DLK1: variants seen among roughly 807,000 people sequenced by gnomAD.
DLK1 encodes protein delta homolog 1.
In DLK1, 9 loss-of-function variants were observed where a neutral mutation model predicts 35.2. The observed-to-expected ratio is 0.26, with a 90% CI of 0.15 to 0.45. The LOEUF is 0.45. Among genes scored for constraint, DLK1 ranks in the 20% least tolerant of loss-of-function variants. The pLI is 1.00. For missense variants in DLK1, 522 were observed against 528.5 expected (o/e 0.99, Z 0.12); for synonymous variants, 231 against 228.4 (o/e 1.01, Z -0.10).
rs1242597184 is a variant in DLK1 at position 100,728,470 on chromosome 14, GGCTCCTCAGAGGCA to G, written c.131+15_131+28del. 1.9e-6 allele frequency: 3 copies of G among 1,613,852 alleles called. No individual in the cohort carries two copies. In the African/African-American group the frequency reaches 4.0e-5, roughly 22 times the overall value. ...TGACAATGTTTGCAGGTAATAGAGT[GGCTCCTCAGAGGCA>G]GCTTGTAGGGGCCACGCAGAAGCCT... On this transcript the variant is annotated intron_variant, in intron 2 of 4. Coordinates refer to ENST00000341267, the MANE Select transcript of DLK1 (RefSeq NM_003836.7).
At chr14:100,732,872 A>G (rs1373497039) in intron 4 of DLK1, among the ~76,000 whole-genome samples, 1 of 152,218 alleles carries the variant, frequency 6.6e-6, no homozygotes, top group Non-Finnish European at 1.5e-5. Flanking sequence ...CCTGAAGCCA[A>G]GGGAGATCTT....
At chr14:100,728,257 C>G in intron 1 of DLK1, 139 bp from the exon 2 acceptor site, 4 of 811,660 alleles carry the variant, frequency 4.9e-6, no homozygotes, top group Non-Finnish European at 8.4e-6. Context: ...TAGGAAGTGC[C>G]TACTGTGTGC....
chr14:100,733,027 A>G (rs2036527323), intron 4 of DLK1, among the ~76,000 whole-genome samples: 1 of 152,226 alleles, frequency 6.6e-6, no homozygotes, highest in African/African-American at 2.4e-5. Flanking sequence ...GCAGGGTGGC[A>G]CAGAGACCCC....
Position 100,732,140 on chromosome 14 carries a change from G to C in DLK1, c.361G>C (p.Gly121Arg), listed in dbSNP as rs370188899. 5.0e-6 allele frequency: 8 copies of C among 1,613,962 alleles called. No homozygotes were observed. The highest frequency in any genetic ancestry group is 2.2e-5 in the East Asian group (1 of 44,874). ...YECSCAPGYS[G>R]KDCQKKDGPC... ...ATGCTCCTGTGCCCCCGGGTACTCG[G>C]GAAAGGACTGCCAGAAAAAGGACGG... The change falls in exon 4 of 5, where the codon GGA becomes CGA. Residue 121 changes from glycine to arginine, a missense_variant. By Grantham distance (125) the Gly-to-Arg change is moderately radical (BLOSUM62 -2). Transcript: ENST00000341267.
chr14:100,727,431 C>G (rs1204852410), intron 1 of DLK1, among the ~76,000 whole-genome samples: 3 of 152,190 alleles, frequency 2.0e-5, no homozygotes, highest in African/African-American at 7.2e-5. Context: ...AAATGGGGTG[C>G]TGTTGTGGAG....
chr14:100,732,057 C>G lies in DLK1; in HGVS notation c.278C>G (p.Ser93Cys). 6.2e-7 allele frequency: 1 copy of G among 1,613,662 alleles called. No individual in the cohort carries two copies. Among genetic ancestry groups the G allele is most frequent in the Non-Finnish European group, 8.5e-7 (1 of 1,179,742 alleles). Residue 93 changes from serine to cysteine, a missense_variant, in exon 4 of 5, where the codon TCC (serine) becomes TGC (cysteine). Coordinates refer to ENST00000341267, the MANE Select transcript of DLK1 (RefSeq NM_003836.7). ...CACCCCGCAGATGTTCGGGCCTGCT[C>G]CTCGGCCCCCTGTGCCAACAACAGG... is the stretch of plus-strand genomic sequence containing the variant. Reference protein sequence around the residue: ...ELCDRDVRACSSAPCANNRTC... With the variant: ...ELCDRDVRACCSAPCANNRTC...
intron 1 of DLK1, 45 bp from the exon 2 acceptor site, chr14:100,728,351 C>G: frequency 6.2e-7 from 1 of 1,610,144 alleles, no homozygotes; most frequent in African/African-American, 1.3e-5. Context: ...TTGCCTTGGC[C>G]TGGGGCCTGG....
At position 100,734,416 on chromosome 14, in the gene DLK1, G is replaced by A. The variant is rs771992127; in HGVS notation, c.672G>A (p.Leu224=). 1.4e-5 allele frequency: 23 copies of A among 1,611,888 alleles called. No individual in the cohort carries two copies. The South Asian group carries it at 1.8e-4, about 12-fold the overall frequency. ...CGTGCCAGAACGGGGGCACCTGCCT[G>A]CAGCACACCCAGGTGAGCTACGAGT... ...SSPCQNGGTC[L]QHTQVSYECL... Residue 224 remains leucine (L), a synonymous_variant, in exon 5 of 5, where the codon CTG becomes CTA. Coordinates refer to ENST00000341267, the MANE Select transcript of DLK1 (RefSeq NM_003836.7). The surrounding 1 kb of genome is among the most constrained non-coding windows in gnomAD (Gnocchi z 7.4).
At chr14:100,728,180 C>T (rs2036459490) in intron 1 of DLK1, among the ~76,000 whole-genome samples, 1 of 152,144 alleles carries the variant, frequency 6.6e-6, no homozygotes, top group Non-Finnish European at 1.5e-5. Flanking sequence ...GTACTGTGGT[C>T]ATTTCATTGC....
chr14:100,737,521 G>A lies in DLK1; in HGVS notation c.*2625G>A, dbSNP rs1046598682. On this transcript the variant is annotated 3_prime_UTR_variant, in exon 5 of 5. Transcript: ENST00000341267. ...AAGAAAAAGACGTCCCACGGTCGAG[G>A]TATCCTTGACCAACTCCCCATCCAT... 2.1e-4 allele frequency: 32 copies of A among 152,194 alleles called. No individual in the cohort carries two copies. The highest frequency in any genetic ancestry group is 7.2e-4 in the African/African-American group (30 of 41,418). 9.4% of individuals were successfully genotyped at this position (152,194 alleles called of 1,614,324 possible).
chr14:100,734,587 G>A lies in DLK1; in HGVS notation c.843G>A (p.Glu281=), dbSNP rs138185939. Reference sequence around the variant, plus strand: ...ACGAGCTGCCGGTGCAGCAGCCGGAGCACCGCATCCTGAAGGTGTCCATGA... The same window carrying A: ...ACGAGCTGCCGGTGCAGCAGCCGGAACACCGCATCCTGAAGGTGTCCATGA... ...GVHELPVQQP[E]HRILKVSMKE... is the part of the protein sequence containing the mutation. Residue 281 remains glutamate, a synonymous_variant, in exon 5 of 5, where the codon GAG becomes GAA. Coordinates refer to ENST00000341267, the MANE Select transcript of DLK1 (RefSeq NM_003836.7). The surrounding 1 kb of genome is among the most constrained non-coding windows in gnomAD (Gnocchi z 7.4). The A allele has an allele frequency of 1.1e-4, 181 of 1,613,784 alleles. 1 individual carries two copies. In the East Asian group the frequency reaches 3.8e-3, roughly 34 times the overall value.
chr14:100,727,267 G>A, intron 1 of DLK1, 132 bp downstream of exon 1: 4 of 960,828 alleles, frequency 4.2e-6, no homozygotes, highest in Non-Finnish European at 5.7e-6. Flanking sequence ...TAAGCCCCGC[G>A]CTGTGCCTGT....
intron 3 of DLK1, among the ~76,000 whole-genome samples, chr14:100,731,669 T>C (rs2036508587): frequency 1.3e-5 from 2 of 152,164 alleles, no homozygotes; most frequent in African/African-American, 4.8e-5. Flanking sequence ...GATGCAGTCT[T>C]GTCTGGTGGA....
At chr14:100,732,229 G>A in intron 4 of DLK1, 46 bp downstream of exon 4, 7 of 1,590,094 alleles carry the variant, frequency 4.4e-6, no homozygotes, top group Non-Finnish European at 6.0e-6. Context: ...TGCTTTTCAT[G>A]CGGCCACCAA....
intron 3 of DLK1, among the ~76,000 whole-genome samples, chr14:100,731,351 C>T (rs2036504755): frequency 6.6e-6 from 1 of 152,176 alleles, no homozygotes; most frequent in Admixed American, 6.5e-5. Context: ...TACCAGTGCT[C>T]ATGGAAACCT....
intron 3 of DLK1, chr14:100,729,286 C>T (rs2036479894): frequency 1.3e-6 from 1 of 772,434 alleles, no homozygotes; most frequent in African/African-American, 1.7e-5. Flanking sequence ...GCCATCAGCA[C>T]CCAGCACCTA....
chr14:100,729,112 C>T, intron 3 of DLK1, 46 bp downstream of exon 3: 3 of 1,609,846 alleles, frequency 1.9e-6, no homozygotes, highest in South Asian at 1.1e-5. Context: ...CCTTACCTGC[C>T]TGCCCTAGCC....
chr14:100,727,001 C>G lies in DLK1; in HGVS notation c.-68C>G. The G allele has an allele frequency of 6.9e-7, 1 of 1,447,862 alleles. No homozygotes were observed. The highest frequency in any genetic ancestry group is 9.1e-7 in the Non-Finnish European group (1 of 1,094,898). 89.7% of individuals were successfully genotyped at this position (1,447,862 alleles called of 1,614,324 possible). On this transcript the variant is annotated 5_prime_UTR_variant, in exon 1 of 5. Transcript: ENST00000341267. ...CCTTTCGCGTCCGCAACCAGAAGCC[C>G]AGTGCGGCGCCAGGAGCCGGACCCG...
chr14:100,728,945 T>C lies in DLK1; in HGVS notation c.141T>C (p.Pro47=), dbSNP rs773100898. 8.7e-6 allele frequency: 14 copies of C among 1,613,792 alleles called. No individual in the cohort carries two copies. Among genetic ancestry groups the C allele is most frequent in the South Asian group, 4.4e-5 (4 of 91,076 alleles). The change falls in exon 3 of 5, where the codon CCT becomes CCC. Residue 47 remains proline (P), a synonymous_variant. Transcript: ENST00000341267. ...CCCCCACCCATTGCAGGTGCCAGCC[T>C]GGCTGGCAGGGTCCCCTTTGTGACC... The part of the protein sequence containing the change: ...CEDDNVCRCQ[P]GWQGPLCDQC...
Sources: allele counts gnomAD v4.1 joint callset (sites outside exome capture counted in the v4.1 genomes callset), GRCh38; gene constraint gnomAD v4.1.1; non-coding constraint Gnocchi (gnomAD v3.1); transcripts MANE v1.5; gene names NCBI Gene and HGNC (gene_info 2026-07-23, HGNC 2026-07-21).